The following OLFM3 variants were observed in gnomAD, a reference collection of about 807,000 sequenced individuals.
OLFM3 encodes olfactomedin 3.
A neutral mutation model predicts 48.6 loss-of-function variants in OLFM3; 20 were observed. That is an observed-to-expected ratio of 0.41 (90% CI 0.29 to 0.60). The LOEUF is 0.60. OLFM3 is among the 20% of genes least tolerant of loss of function. OLFM3 has a pLI of 0.28. For missense variants in OLFM3, 437 were observed against 544.3 expected (o/e 0.80, Z 1.96); for synonymous variants, 222 against 198.1 (o/e 1.12, Z -1.01).
rs1297244685 is a variant in OLFM3 at position 101,996,923 on chromosome 1, G to T, written c.-107C>A. On this transcript the variant is annotated 5_prime_UTR_variant, in exon 1 of 6. Coordinates refer to ENST00000370103, the MANE Select transcript of OLFM3 (RefSeq NM_058170.4). ...CACTTTCTGCCTGCCAGTCAGAGCC[G>T]AGTGGAAGCAGAGGCGGCGGCAGCA... 1 of 1,203,680 alleles carries T rather than the reference G, an allele frequency of 8.3e-7. No homozygotes were observed. The highest frequency in any genetic ancestry group is 1.2e-5 in the South Asian group (1 of 80,064). 74.6% of individuals were successfully genotyped at this position (1,203,680 alleles called of 1,614,324 possible). A position where few individuals can be genotyped will look rare whatever the true frequency, so the allele number is the denominator to read the frequency against.
intron 1 of OLFM3, among the ~76,000 whole-genome samples, chr1:101,945,696 A>T (rs1297798344): frequency 6.6e-6 from 1 of 152,124 alleles, no homozygotes; most frequent in East Asian, 1.9e-4. Flanking sequence ...GCCTATAATC[A>T]TAGCACTTTG....
At chr1:101,841,350 T>C (rs1275856703) in intron 1 of OLFM3, among the ~76,000 whole-genome samples, 1 of 152,258 alleles carries the variant, frequency 6.6e-6, no homozygotes, top group East Asian at 1.9e-4. Context: ...AAACATGTTT[T>C]ATAAGTCATC....
At chr1:101,817,444 C>T (rs1397105123) in intron 4 of OLFM3, among the ~76,000 whole-genome samples, 1 of 152,050 alleles carries the variant, frequency 6.6e-6, no homozygotes, top group Non-Finnish European at 1.5e-5. Flanking sequence ...TGACCGTGAC[C>T]ATTTTATTTC....
chr1:101,897,091 T>C (rs1422643127), intron 1 of OLFM3, among the ~76,000 whole-genome samples: 1 of 152,200 alleles, frequency 6.6e-6, no homozygotes, highest in Non-Finnish European at 1.5e-5. Flanking sequence ...CTGATCTAGA[T>C]AATTTCTCCA....
chr1:101,980,458 A>C (rs1383130550), intron 1 of OLFM3, among the ~76,000 whole-genome samples: 1 of 152,056 alleles, frequency 6.6e-6, no homozygotes, highest in Non-Finnish European at 1.5e-5. Context: ...GTGAGTTCTC[A>C]TGAGATTTGA....
intron 1 of OLFM3, among the ~76,000 whole-genome samples, chr1:101,979,025 A>T (rs925725457): frequency 1.3e-5 from 2 of 152,210 alleles, no homozygotes; most frequent in African/African-American, 4.8e-5. Context: ...ATTGAAATTA[A>T]ATTTTATTTT....
At chr1:101,902,771 A>C (rs1473518932) in intron 1 of OLFM3, among the ~76,000 whole-genome samples, 2 of 152,118 alleles carry the variant, frequency 1.3e-5, no homozygotes, top group Non-Finnish European at 2.9e-5. Flanking sequence ...TATCTCATTT[A>C]ATCTTTCCAA....
intron 1 of OLFM3, among the ~76,000 whole-genome samples, chr1:101,947,856 AC>A: frequency 6.6e-6 from 1 of 152,314 alleles, no homozygotes; most frequent in South Asian, 2.1e-4. Context: ...AGCTTTTTCA[AC>A]AAGACTAAAT....
chr1:101,943,360 G>A (rs1659852429), intron 1 of OLFM3, among the ~76,000 whole-genome samples: 1 of 152,144 alleles, frequency 6.6e-6, no homozygotes, highest in Non-Finnish European at 1.5e-5. Flanking sequence ...TTTCAAATTT[G>A]TCTAGCCAGC....
intron 4 of OLFM3, among the ~76,000 whole-genome samples, chr1:101,821,166 A>T (rs1260883327): frequency 6.6e-6 from 1 of 151,994 alleles, no homozygotes; most frequent in East Asian, 1.9e-4. Flanking sequence ...TGTTTATGTG[A>T]TAATATTAGC....
chr1:101,952,644 T>C (rs1660178335), intron 1 of OLFM3, among the ~76,000 whole-genome samples: 1 of 152,074 alleles, frequency 6.6e-6, no homozygotes, highest in South Asian at 2.1e-4. Flanking sequence ...TCTAAAAATA[T>C]TATCTAAAAA....
intron 1 of OLFM3, chr1:101,910,168 T>C (rs1658700667): frequency 2.0e-6 from 2 of 984,252 alleles, no homozygotes; most frequent in East Asian, 1.1e-4. Flanking sequence ...ATCTATCATG[T>C]TAAAAAGCAC....
At chr1:101,970,310 C>T (rs1460554741) in intron 1 of OLFM3, among the ~76,000 whole-genome samples, 6 of 152,162 alleles carry the variant, frequency 3.9e-5, no homozygotes, top group African/African-American at 1.4e-4. Flanking sequence ...AGCCACTGTG[C>T]CAGCCTTTTT....
intron 1 of OLFM3, among the ~76,000 whole-genome samples, chr1:101,945,466 T>C (rs1247566046): frequency 6.6e-6 from 1 of 152,158 alleles, no homozygotes; most frequent in Non-Finnish European, 1.5e-5. Context: ...TAATTATAGT[T>C]GCAGGAAGCA....
At chr1:101,911,412 G>A (rs908966896) in intron 1 of OLFM3, among the ~76,000 whole-genome samples, 3 of 152,096 alleles carry the variant, frequency 2.0e-5, no homozygotes, top group African/African-American at 7.2e-5. Flanking sequence ...ATAGATAAAT[G>A]ACTGAAACCT....
intron 2 of OLFM3, among the ~76,000 whole-genome samples, chr1:101,834,055 T>C (rs970662536): frequency 1.6e-4 from 24 of 152,344 alleles, no homozygotes; most frequent in African/African-American, 5.8e-4. Flanking sequence ...TTTGGCATAC[T>C]AAGACCTGAA....
chr1:101,931,447 G>C (rs578161074), intron 1 of OLFM3, among the ~76,000 whole-genome samples: 1 of 152,276 alleles, frequency 6.6e-6, no homozygotes, highest in Non-Finnish European at 1.5e-5. Flanking sequence ...CTGAGGAATT[G>C]CTAGAATTGA....
At chr1:101,887,459 G>A (rs1167583043) in intron 1 of OLFM3, among the ~76,000 whole-genome samples, 1 of 151,838 alleles carries the variant, frequency 6.6e-6, no homozygotes, top group East Asian at 1.9e-4. Flanking sequence ...ATCATTAATA[G>A]GAAGAATAAA....
chr1:101,806,532 A>T (rs894759337), intron 4 of OLFM3, among the ~76,000 whole-genome samples: 10 of 151,712 alleles, frequency 6.6e-5, no homozygotes, highest in Admixed American at 5.9e-4. Context: ...TTGCCCATAG[A>T]CCTGTTTAGT....
Sources: gnomAD v4.1 joint callset for allele counts (sites outside exome capture counted in the v4.1 genomes callset) on GRCh38, gnomAD v4.1.1 for gene constraint, MANE v1.5 for transcripts, NCBI Gene and HGNC (gene_info 2026-07-23, HGNC 2026-07-21) for gene names.